The following CACNA2D1 variants were observed in gnomAD, a reference collection of about 807,000 sequenced individuals.
CACNA2D1 encodes calcium voltage-gated channel auxiliary subunit alpha2delta 1, also known as voltage-dependent calcium channel subunit alpha-2/delta-1.
In CACNA2D1, 53 loss-of-function variants were observed where a neutral mutation model predicts 171.5. The observed-to-expected ratio is 0.31, with a 90% CI of 0.25 to 0.39. The LOEUF (loss-of-function observed/expected upper bound fraction) is 0.39, where lower values mean the gene tolerates loss of function less well. Ranked by LOEUF, CACNA2D1 falls within the 10% of genes least tolerant of loss-of-function variation. The probability of loss-of-function intolerance (pLI) is 1.00; values close to 1 mark genes in which losing one functional copy is unlikely to be tolerated. For missense variants in CACNA2D1, 903 were observed against 1,299.8 expected, an observed-to-expected ratio of 0.69 and a Z score of 4.69; for synonymous variants, 442 against 443.1, an observed-to-expected ratio of 1.00 and a Z score of 0.03.
chr7:82,440,390 G>A (rs1830406744), intron 1 of CACNA2D1, among the ~76,000 whole-genome samples: 1 of 151,818 alleles, frequency 6.6e-6, no homozygotes, highest in African/African-American at 2.4e-5. Context: ...TTTAACATGT[G>A]ACAAGAAATT....
intron 1 of CACNA2D1, among the ~76,000 whole-genome samples, chr7:82,360,695 C>G (rs1820994460): frequency 6.6e-6 from 1 of 152,134 alleles, no homozygotes; most frequent in Admixed American, 6.6e-5. Flanking sequence ...GAAAATATGA[C>G]TATTTCAGCT....
At chr7:82,095,934 G>A (rs187674275) in intron 6 of CACNA2D1, among the ~76,000 whole-genome samples, 19 of 152,238 alleles carry the variant, frequency 1.2e-4, no homozygotes, top group Admixed American at 1.2e-3. Context: ...ATGTTCTGAA[G>A]AGCGTGGTGT....
intron 10 of CACNA2D1, among the ~76,000 whole-genome samples, chr7:82,055,047 C>T (rs187345184): frequency 1.1e-4 from 16 of 152,270 alleles, no homozygotes; most frequent in African/African-American, 3.9e-4. Flanking sequence ...TTGGGAAGGT[C>T]AGCATGTGCT....
intron 1 of CACNA2D1, among the ~76,000 whole-genome samples, chr7:82,407,693 A>G (rs184507044): frequency 6.5e-4 from 99 of 152,296 alleles, no homozygotes; most frequent in African/African-American, 2.1e-3. Context: ...TGCACTTTAC[A>G]TACTATAGTG....
intron 6 of CACNA2D1, among the ~76,000 whole-genome samples, chr7:82,115,920 T>A (rs1278816551): frequency 6.6e-6 from 1 of 152,164 alleles, no homozygotes; most frequent in East Asian, 1.9e-4. Flanking sequence ...TTCAGGATAC[T>A]AATCTTATCT....
At chr7:82,266,149 A>C (rs1459473143) in intron 3 of CACNA2D1, among the ~76,000 whole-genome samples, 2 of 152,168 alleles carry the variant, frequency 1.3e-5, no homozygotes, top group African/African-American at 4.8e-5. Context: ...TTATTCAATA[A>C]ACCAATTTGG....
intron 5 of CACNA2D1, among the ~76,000 whole-genome samples, chr7:82,130,325 GT>G: frequency 6.6e-6 from 1 of 152,196 alleles, no homozygotes; most frequent in Admixed American, 6.5e-5. Flanking sequence ...AACATTATAT[GT>G]TCCGCTTAGG....
At chr7:82,295,922 T>C (rs893675856) in intron 3 of CACNA2D1, among the ~76,000 whole-genome samples, 4 of 151,958 alleles carry the variant, frequency 2.6e-5, no homozygotes, top group African/African-American at 9.7e-5. Flanking sequence ...TGGAATACTA[T>C]GCAGCCATAA....
At chr7:82,354,383 C>T (rs1455809495) in intron 1 of CACNA2D1, among the ~76,000 whole-genome samples, 3 of 152,054 alleles carry the variant, frequency 2.0e-5, no homozygotes, top group African/African-American at 7.2e-5. Context: ...CCCTCTATTC[C>T]AACATGAGAA....
At chr7:81,970,613 T>C in intron 27 of CACNA2D1, 62 bp downstream of exon 27, 2 of 887,260 alleles carry the variant, frequency 2.3e-6, no homozygotes, top group Admixed American at 3.4e-5. Context: ...AGCAGTAATG[T>C]ACAAATCCTT....
intron 1 of CACNA2D1, among the ~76,000 whole-genome samples, chr7:82,374,313 T>C (rs540165651): frequency 8.8e-4 from 134 of 152,266 alleles, no homozygotes; most frequent in Non-Finnish European, 1.7e-3. Flanking sequence ...TACAAAACAA[T>C]ATAATTGACC....
intron 1 of CACNA2D1, among the ~76,000 whole-genome samples, chr7:82,357,747 A>G (rs970626578): frequency 1.1e-4 from 17 of 151,372 alleles, no homozygotes; most frequent in African/African-American, 3.9e-4. Flanking sequence ...GCATTAGGAG[A>G]TATACCTAAC....
chr7:81,962,622 A>C, intron 34 of CACNA2D1, 127 bp from the exon 35 acceptor site: 2 of 673,608 alleles, frequency 3.0e-6, no homozygotes, highest in Non-Finnish European at 5.3e-6. Context: ...GTTTTTATTT[A>C]AGTATTTTCA....
chr7:82,266,903 G>A (rs1020437613), intron 3 of CACNA2D1, among the ~76,000 whole-genome samples: 6 of 152,102 alleles, frequency 3.9e-5, no homozygotes, highest in South Asian at 4.1e-4. Context: ...AAAGAAAGCC[G>A]AATCTAAAAA....
intron 1 of CACNA2D1, among the ~76,000 whole-genome samples, chr7:82,413,309 C>T (rs1258007253): frequency 6.6e-6 from 1 of 152,158 alleles, no homozygotes; most frequent in Admixed American, 6.5e-5. Context: ...GGGTTATCAG[C>T]AAGTTTATTT....
At chr7:82,254,808 A>G (rs1806100130) in intron 3 of CACNA2D1, among the ~76,000 whole-genome samples, 1 of 152,134 alleles carries the variant, frequency 6.6e-6, no homozygotes, top group South Asian at 2.1e-4. Context: ...ATAGGTAGGG[A>G]AAGTCTAAAG....
intron 3 of CACNA2D1, among the ~76,000 whole-genome samples, chr7:82,199,237 T>C (rs1799169886): frequency 6.6e-6 from 1 of 152,176 alleles, no homozygotes. Context: ...ATTCTATGTG[T>C]GTTCAGTTTG....
chr7:82,232,178 A>T (rs912516707), intron 3 of CACNA2D1, among the ~76,000 whole-genome samples: 2 of 152,146 alleles, frequency 1.3e-5, no homozygotes, highest in African/African-American at 4.8e-5. Flanking sequence ...TTCCAAAATA[A>T]TTTTTGCCAG....
intron 3 of CACNA2D1, among the ~76,000 whole-genome samples, chr7:82,287,249 T>G (rs1810911521): frequency 7.2e-6 from 1 of 138,268 alleles, no homozygotes; most frequent in African/African-American, 2.9e-5. Flanking sequence ...ACTTTTGGCT[T>G]CTTCTTTTCT....
Sources: allele counts gnomAD v4.1 joint callset (sites outside exome capture counted in the v4.1 genomes callset), GRCh38; gene constraint gnomAD v4.1.1; transcripts MANE v1.5; gene names NCBI Gene and HGNC (gene_info 2026-07-23, HGNC 2026-07-21).